Variants in FGF14 observed in about 807,000 individuals in gnomAD.
FGF14 encodes the protein fibroblast growth factor 14.
A neutral mutation model predicts 25.5 loss-of-function variants in FGF14; 5 were observed. The ratio of observed to expected loss-of-function variants is 0.20; its 90% CI spans 0.10 to 0.41. FGF14 has a LOEUF of 0.41. Among genes scored for constraint, FGF14 ranks in the 10% least tolerant of loss-of-function variants. The pLI is 1.00. For synonymous variants in FGF14, 138 were observed against 118.3 expected, an observed-to-expected ratio of 1.17 and a Z score of -1.08; for missense variants, 222 against 320.1, an observed-to-expected ratio of 0.69 and a Z score of 2.34.
intron 1 of FGF14, among the ~76,000 whole-genome samples, chr13:101,936,269 A>G (rs897367978): frequency 1.3e-5 from 2 of 152,180 alleles, no homozygotes; most frequent in Non-Finnish European, 2.9e-5. Flanking sequence ...TACGTGGTCA[A>G]GAAGTGAAAA....
At chr13:102,346,237 G>A (rs1296008401) in intron 1 of FGF14, among the ~76,000 whole-genome samples, 1 of 152,088 alleles carries the variant, frequency 6.6e-6, no homozygotes, top group African/African-American at 2.4e-5. Context: ...TAAAGACATT[G>A]TAAATAGGTA....
At chr13:101,937,292 T>C (rs2035164793) in intron 1 of FGF14, among the ~76,000 whole-genome samples, 1 of 152,238 alleles carries the variant, frequency 6.6e-6, no homozygotes, top group Non-Finnish European at 1.5e-5. Flanking sequence ...ACTCCATATG[T>C]TGAAGACCTA....
At chr13:101,970,759 A>G (rs1247866799) in intron 1 of FGF14, among the ~76,000 whole-genome samples, 1 of 152,196 alleles carries the variant, frequency 6.6e-6, no homozygotes, top group Non-Finnish European at 1.5e-5. Flanking sequence ...CTACATGCAG[A>G]CAGACTTTTC....
At chr13:102,156,623 C>A (rs1566756219) in intron 1 of FGF14, among the ~76,000 whole-genome samples, 1 of 152,176 alleles carries the variant, frequency 6.6e-6, no homozygotes, top group Non-Finnish European at 1.5e-5. Context: ...CCCTCTCTCA[C>A]CACTCCTATT....
At chr13:102,387,058 A>C (rs1385872534) in intron 1 of FGF14, among the ~76,000 whole-genome samples, 1 of 152,202 alleles carries the variant, frequency 6.6e-6, no homozygotes, top group African/African-American at 2.4e-5. Context: ...TATAAATACC[A>C]GTCTTATAAA....
chr13:102,117,637 A>T (rs2045534920), intron 1 of FGF14, among the ~76,000 whole-genome samples: 1 of 152,198 alleles, frequency 6.6e-6, no homozygotes, highest in African/African-American at 2.4e-5. Flanking sequence ...TGGTAGAATA[A>T]ACAGTGGCAC....
At chr13:102,198,264 C>A (rs760356675) in intron 1 of FGF14, among the ~76,000 whole-genome samples, 22 of 152,338 alleles carry the variant, frequency 1.4e-4, no homozygotes, top group Middle Eastern at 3.4e-3. Flanking sequence ...TCTCCTGGAG[C>A]TGATGGTCCA....
chr13:101,751,988 G>A (rs2139844851), intron 3 of FGF14, among the ~76,000 whole-genome samples: 1 of 152,234 alleles, frequency 6.6e-6, no homozygotes, highest in African/African-American at 2.4e-5. Context: ...GTGAGAATAT[G>A]AGATTTGCAG....
chr13:101,734,306 C>A (rs568283594), intron 3 of FGF14, among the ~76,000 whole-genome samples: 7 of 152,256 alleles, frequency 4.6e-5, no homozygotes, highest in African/African-American at 1.7e-4. Context: ...AAGCTTGCTA[C>A]CATTTCTTAA....
intron 3 of FGF14, among the ~76,000 whole-genome samples, chr13:101,823,385 T>A (rs1164666471): frequency 6.7e-6 from 1 of 148,898 alleles, no homozygotes; most frequent in Non-Finnish European, 1.5e-5. Flanking sequence ...AAATACATGT[T>A]TTGTATATAT....
chr13:102,317,691 G>A (rs2056085997), intron 1 of FGF14, among the ~76,000 whole-genome samples: 1 of 152,098 alleles, frequency 6.6e-6, no homozygotes. Flanking sequence ...CTCAGTCCTG[G>A]ACAGGACCCG....
intron 1 of FGF14, among the ~76,000 whole-genome samples, chr13:102,139,983 C>T (rs186445601): frequency 3.0e-4 from 46 of 151,110 alleles, no homozygotes; most frequent in African/African-American, 8.8e-4. Context: ...AATGTCATTA[C>T]GTACAAGCCT....
chr13:101,907,088 C>A (rs548403565), intron 1 of FGF14, among the ~76,000 whole-genome samples: 1 of 152,178 alleles, frequency 6.6e-6, no homozygotes, highest in Admixed American at 6.5e-5. Context: ...GCAGCCGTTG[C>A]TTAATCACAA....
At position 102,377,233 on chromosome 13, in the gene FGF14, T is replaced by C. The variant is rs549298054; in HGVS notation, c.208+24238A>G. Reference sequence around the variant, plus strand: ...GTTCAGGTGTGAGCAGAATCACCAATAGCAAAGCTAAGGCTTAAATACTTA... The same window carrying C: ...GTTCAGGTGTGAGCAGAATCACCAACAGCAAAGCTAAGGCTTAAATACTTA... On this transcript the variant is annotated intron_variant, in intron 1 of 4. Coordinates refer to the FGF14 transcript ENST00000376131. 1.4e-3 allele frequency among the ~76,000 whole-genome samples: 214 copies of C among 152,252 alleles called. 3 individuals are homozygous for C. The highest frequency in any genetic ancestry group is 4.8e-3 in the African/African-American group (198 of 41,552).
chr13:101,933,202 A>C (rs1483147013), intron 1 of FGF14, among the ~76,000 whole-genome samples: 1 of 152,206 alleles, frequency 6.6e-6, no homozygotes, highest in Non-Finnish European at 1.5e-5. Context: ...CATTAAAACT[A>C]ACCAAAGTTA....
intron 3 of FGF14, among the ~76,000 whole-genome samples, chr13:101,774,693 T>G (rs2038986151): frequency 6.6e-6 from 1 of 152,150 alleles, no homozygotes; most frequent in Non-Finnish European, 1.5e-5. Context: ...CAAGGTCATA[T>G]TCAGCTGAAT....
At chr13:102,157,144 T>C (rs1400234809) in intron 1 of FGF14, among the ~76,000 whole-genome samples, 3 of 152,148 alleles carry the variant, frequency 2.0e-5, no homozygotes, top group Admixed American at 6.5e-5. Context: ...CTTCACAGAA[T>C]TGGAAAAAAC....
intron 1 of FGF14, among the ~76,000 whole-genome samples, chr13:102,128,741 T>A (rs573924033): frequency 1.3e-5 from 2 of 152,314 alleles, no homozygotes; most frequent in Admixed American, 6.5e-5. Context: ...GTTAATGGCA[T>A]TCTCTTTGAC....
intron 1 of FGF14, among the ~76,000 whole-genome samples, chr13:102,091,465 C>T (rs1172695303): frequency 3.3e-5 from 5 of 151,864 alleles, no homozygotes; most frequent in African/African-American, 9.7e-5. Context: ...AGTCACCCCC[C>T]ACCAACAGCA....
Sources: gnomAD v4.1 joint callset for allele counts (sites outside exome capture counted in the v4.1 genomes callset) on GRCh38, gnomAD v4.1.1 for gene constraint, MANE v1.5 for transcripts, NCBI Gene and HGNC (gene_info 2026-07-23, HGNC 2026-07-21) for gene names.